Variants in CSMD1 observed in about 807,000 individuals in gnomAD.
CSMD1 encodes CUB and Sushi multiple domains 1.
In CSMD1, 213 loss-of-function variants were observed where a neutral mutation model predicts 417.5. That is an observed-to-expected ratio of 0.51 (90% CI 0.46 to 0.57). CSMD1 has a LOEUF of 0.57. Among genes scored for constraint, CSMD1 ranks in the 20% least tolerant of loss-of-function variants. The pLI is 0.00. For missense variants in CSMD1, 6,923 were observed against 4,529.7 expected (o/e 1.53, Z -15.17); for synonymous variants, 2,862 against 1,736.8 (o/e 1.65, Z -16.11).
rs1174767242 is a variant in CSMD1 at position 4,419,936 on chromosome 8, C to G, written c.415+17G>C. 14 of 1,509,434 alleles carry G rather than the reference C, an allele frequency of 9.3e-6. No individual in the cohort carries two copies. Among genetic ancestry groups the G allele is most frequent in the African/African-American group, 2.8e-5 (2 of 72,492 alleles). 93.5% of individuals were successfully genotyped at this position (1,509,434 alleles called of 1,614,324 possible). On this transcript the variant is annotated intron_variant, in intron 3 of 69. Transcript: ENST00000635120. ...TTGGACAGTGAATGCATGTGCAAAA[C>G]ACAACCAATCTCCTACCTTCATATA... is the stretch of plus-strand genomic sequence containing the variant.
In CSMD1 at chr8:3,217,344, A is replaced by T. The variant is rs751488349; in HGVS notation, c.4672+1911T>A. Among the ~76,000 whole-genome samples, 4 of 152,242 alleles carry T rather than the reference A, an allele frequency of 2.6e-5. No individual in the cohort carries two copies. In the East Asian group the frequency reaches 5.8e-4, roughly 22 times the overall value. On this transcript the variant is annotated intron_variant, in intron 29 of 69. Coordinates refer to ENST00000635120, the MANE Select transcript of CSMD1 (RefSeq NM_033225.6). ...GTTAGATGGCCATACCGGTTACCCA[A>T]ACAAAAATTAAGGAAGTTCTTTCTT...
At chr8:4,736,115 G>A (rs552449625) in intron 1 of CSMD1, among the ~76,000 whole-genome samples, 27 of 152,282 alleles carry the variant, frequency 1.8e-4, no homozygotes, top group African/African-American at 6.3e-4. Context: ...CTCACGAGCT[G>A]TGAGGTGTTT....
At chr8:3,008,600 G>A (rs915685125) in intron 52 of CSMD1, among the ~76,000 whole-genome samples, 2 of 151,802 alleles carry the variant, frequency 1.3e-5, no homozygotes, top group Admixed American at 1.3e-4. Flanking sequence ...GCTCCTGAAC[G>A]AATCCGGTTC....
chr8:4,012,690 C>A (rs1454242994), intron 4 of CSMD1, among the ~76,000 whole-genome samples: 1 of 152,178 alleles, frequency 6.6e-6, no homozygotes, highest in Non-Finnish European at 1.5e-5. Context: ...ATCCAACTCC[C>A]TATTTCAACT....
At chr8:3,068,989 G>A (rs893778494) in intron 49 of CSMD1, among the ~76,000 whole-genome samples, 12 of 152,074 alleles carry the variant, frequency 7.9e-5, no homozygotes, top group Admixed American at 4.6e-4. Flanking sequence ...ACTCATTCCA[G>A]TATTAAGCCT....
intron 22 of CSMD1, among the ~76,000 whole-genome samples, chr8:3,347,731 GTTAAATAACT>G (rs1808107641): frequency 6.6e-6 from 1 of 152,174 alleles, no homozygotes; most frequent in Admixed American, 6.5e-5. Context: ...GATCAAAAGT[GTTAAATAACT>G]TTCATAAGGT....
chr8:4,244,814 T>C (rs954693554), intron 3 of CSMD1, among the ~76,000 whole-genome samples: 2 of 152,208 alleles, frequency 1.3e-5, no homozygotes, highest in Non-Finnish European at 2.9e-5. Context: ...TATGTGTATA[T>C]ATGTATGTAT....
chr8:4,295,358 A>G lies in CSMD1; in HGVS notation c.415+124595T>C, dbSNP rs1797617150. 2.1e-5 allele frequency among the ~76,000 whole-genome samples: 3 copies of G among 143,846 alleles called. No homozygotes were observed. In the South Asian group the frequency reaches 6.7e-4, roughly 32 times the overall value. The allele number at this position is 143,846 out of a possible 152,430, so 94.4% of individuals were successfully genotyped here. On this transcript the variant is annotated intron_variant, in intron 3 of 69. Coordinates refer to ENST00000635120, the MANE Select transcript of CSMD1 (RefSeq NM_033225.6). ...CTTAAGATTATGCACATATAACCTT[A>G]AGATTATATATGTATCTTATTATAC...
At chr8:4,579,341 T>G (rs540307071) in intron 2 of CSMD1, among the ~76,000 whole-genome samples, 6 of 151,700 alleles carry the variant, frequency 4.0e-5, no homozygotes, top group African/African-American at 1.5e-4. Flanking sequence ...TACATATATA[T>G]ATACACACAC....
chr8:4,355,842 G>C lies in CSMD1; in HGVS notation c.415+64111C>G, dbSNP rs138150718. ...AAGATTTCTAGATTCCAGGCCGAAA[G>C]TAGAGGAGCTTTGGAGGATGGGAAC... On this transcript the variant is annotated intron_variant, in intron 3 of 69. Coordinates refer to ENST00000635120, the MANE Select transcript of CSMD1 (RefSeq NM_033225.6). Among the ~76,000 whole-genome samples the C allele has an allele frequency of 4.6e-4, 70 of 152,350 alleles. 1 individual carries two copies. Among genetic ancestry groups the C allele is most frequent in the African/African-American group, 1.4e-3 (59 of 41,584 alleles).
At chr8:3,861,248 C>T (rs1305573855) in intron 5 of CSMD1, among the ~76,000 whole-genome samples, 2 of 152,170 alleles carry the variant, frequency 1.3e-5, no homozygotes, top group South Asian at 4.1e-4. Context: ...CTAACGGAGA[C>T]CAACGTACTA....
At position 3,601,502 on chromosome 8, in the gene CSMD1, G is replaced by A. The variant is rs555836321; in HGVS notation, c.1097+15208C>T. ...GATGACATACACCAGGCAGGCCAAT[G>A]GTTACCAACCTCGCTTGCACATCAG... On this transcript the variant is annotated intron_variant, in intron 8 of 69. Coordinates refer to ENST00000635120, the MANE Select transcript of CSMD1 (RefSeq NM_033225.6). Among the ~76,000 whole-genome samples the A allele has an allele frequency of 1.1e-4, 16 of 152,268 alleles. No homozygotes were observed. In the East Asian group the frequency reaches 3.1e-3, roughly 29 times the overall value.
At chr8:4,609,726 C>T (rs1238677553) in intron 2 of CSMD1, among the ~76,000 whole-genome samples, 2 of 151,874 alleles carry the variant, frequency 1.3e-5, no homozygotes, top group Admixed American at 6.6e-5. Context: ...AACAAGAAAA[C>T]AGAAAAAAGT....
intron 10 of CSMD1, among the ~76,000 whole-genome samples, chr8:3,534,669 A>C (rs1433890300): frequency 6.6e-6 from 1 of 152,210 alleles, no homozygotes; most frequent in Admixed American, 6.5e-5. Flanking sequence ...AAACAATTTT[A>C]GAAAACCATT....
intron 5 of CSMD1, among the ~76,000 whole-genome samples, chr8:3,821,167 C>T (rs1801715594): frequency 6.6e-6 from 1 of 152,182 alleles, no homozygotes; most frequent in East Asian, 1.9e-4. Context: ...ATCCACCCGC[C>T]TCGGCCTCCC....
At chr8:4,115,686 G>A (rs1366448796) in intron 3 of CSMD1, among the ~76,000 whole-genome samples, 2 of 152,092 alleles carry the variant, frequency 1.3e-5, no homozygotes, top group South Asian at 4.1e-4. Context: ...AGCGACCAAG[G>A]TGCCCTGTAA....
At chr8:4,763,939 T>C (rs1308042131) in intron 1 of CSMD1, among the ~76,000 whole-genome samples, 1 of 152,186 alleles carries the variant, frequency 6.6e-6, no homozygotes, top group Non-Finnish European at 1.5e-5. Context: ...ACAAATTATA[T>C]TCCTTATGCC....
At chr8:3,403,402 G>T (rs1017931859) in intron 15 of CSMD1, among the ~76,000 whole-genome samples, 3 of 152,098 alleles carry the variant, frequency 2.0e-5, no homozygotes, top group African/African-American at 7.2e-5. Flanking sequence ...CCATCGGAGC[G>T]TCCCCTACCT....
At chr8:4,275,971 G>A (rs187498905) in intron 3 of CSMD1, among the ~76,000 whole-genome samples, 18 of 152,296 alleles carry the variant, frequency 1.2e-4, no homozygotes, top group Non-Finnish European at 2.1e-4. Context: ...TCAGGAAACA[G>A]CAGATGCTGG....
Sources: allele counts gnomAD v4.1 joint callset (sites outside exome capture counted in the v4.1 genomes callset), GRCh38; gene constraint gnomAD v4.1.1; transcripts MANE v1.5; gene names NCBI Gene and HGNC (gene_info 2026-07-23, HGNC 2026-07-21).